Variants in TBC1D32 observed in about 807,000 individuals in gnomAD.
TBC1D32 encodes the protein TBC1 domain family member 32.
A neutral mutation model predicts 170.3 loss-of-function variants in TBC1D32; 151 were observed. The observed-to-expected ratio is 0.89, with a 90% confidence interval of 0.78 to 1.01. TBC1D32 has a LOEUF of 1.01. TBC1D32 is among the 50% of genes least tolerant of loss of function. The pLI, the probability that TBC1D32 is intolerant of heterozygous loss-of-function variation, is 0.00. For missense variants in TBC1D32, 1,464 were observed against 1,457.1 expected, an observed-to-expected ratio of 1.00 and a Z score of -0.08; for synonymous variants, 498 against 488.0, an observed-to-expected ratio of 1.02 and a Z score of -0.27.
At chr6:121,120,757 T>G (rs1354095021) in intron 26 of TBC1D32, among the ~76,000 whole-genome samples, 1 of 152,010 alleles carries the variant, frequency 6.6e-6, no homozygotes, top group Non-Finnish European at 1.5e-5. Flanking sequence ...GTATATCAAG[T>G]GCCTCAACAT....
chr6:121,161,181 C>A, intron 22 of TBC1D32, 125 bp from the exon 23 acceptor site: 1 of 725,236 alleles, frequency 1.4e-6, no homozygotes. Flanking sequence ...TTTTTCTTTA[C>A]TGCATTTAGC....
chr6:121,192,894 C>T (rs1421685762), intron 22 of TBC1D32, among the ~76,000 whole-genome samples: 3 of 152,134 alleles, frequency 2.0e-5, no homozygotes, highest in Non-Finnish European at 2.9e-5. Context: ...TGATGGCCTC[C>T]CCTGAGACAG....
chr6:121,148,914 A>G (rs2128232601), intron 24 of TBC1D32, among the ~76,000 whole-genome samples: 1 of 152,304 alleles, frequency 6.6e-6, no homozygotes, highest in Middle Eastern at 3.4e-3. Context: ...CCTCTCCAGC[A>G]TCCATTGTTA....
At chr6:121,143,454 A>G (rs1582946730) in intron 24 of TBC1D32, among the ~76,000 whole-genome samples, 2 of 152,290 alleles carry the variant, frequency 1.3e-5, no homozygotes, top group South Asian at 2.1e-4. Flanking sequence ...ACAAGAGGCA[A>G]TCTAACAGAT....
chr6:121,126,359 C>T lies in TBC1D32; in HGVS notation c.2983+19G>A, dbSNP rs368304410. On this transcript the variant is annotated intron_variant, in intron 26 of 31. Transcript: ENST00000398212. The stretch of plus-strand genomic sequence containing the variant: ...TACATACTGAGTCTTTTTCAAACTT[C>T]ACAATGTTTAAAATGTACCTGTATA... 5.4e-5 allele frequency: 85 copies of T among 1,579,598 alleles called. No homozygotes were observed. Among genetic ancestry groups the T allele is most frequent in the Middle Eastern group, 3.4e-4 (2 of 5,888 alleles).
chr6:121,121,314 G>T (rs1780239979), intron 26 of TBC1D32, among the ~76,000 whole-genome samples: 1 of 151,928 alleles, frequency 6.6e-6, no homozygotes, highest in Non-Finnish European at 1.5e-5. Context: ...AATTTAGTGA[G>T]GCAAATGCGC....
chr6:121,160,043 ACAGATAG>A lies in TBC1D32; in HGVS notation c.2733_2739del (p.Tyr912GlnfsTer9). 1 of 1,608,746 alleles carries A rather than the reference ACAGATAG, an allele frequency of 6.2e-7. No homozygotes were observed. Among genetic ancestry groups the A allele is most frequent in the Middle Eastern group, 1.7e-4 (1 of 6,038 alleles). On this transcript the variant is annotated frameshift_variant, in exon 24 of 32. Coordinates refer to ENST00000398212, the MANE Select transcript of TBC1D32 (RefSeq NM_152730.6). LOFTEE classifies it high-confidence loss of function. ...ATACCAGCATTTCTTGTAATGTCTG[ACAGATAG>A]CAGTTTGGCAATGGATATGATGAAA...
intron 24 of TBC1D32, among the ~76,000 whole-genome samples, chr6:121,152,399 T>C (rs1400571834): frequency 6.6e-6 from 1 of 152,202 alleles, no homozygotes; most frequent in Non-Finnish European, 1.5e-5. Context: ...TCTTTGTGGG[T>C]AACCTGACCT....
At chr6:121,101,825 A>G (rs1332348082) in intron 30 of TBC1D32, among the ~76,000 whole-genome samples, 1 of 152,172 alleles carries the variant, frequency 6.6e-6, no homozygotes, top group Non-Finnish European at 1.5e-5. Flanking sequence ...ACATGATTGT[A>G]TATTTAGAAA....
At chr6:121,230,531 C>T (rs1795605497) in intron 20 of TBC1D32, among the ~76,000 whole-genome samples, 1 of 151,952 alleles carries the variant, frequency 6.6e-6, no homozygotes, top group South Asian at 2.1e-4. Context: ...GATGTTAAGC[C>T]ACCTGTAATT....
intron 24 of TBC1D32, among the ~76,000 whole-genome samples, chr6:121,154,636 G>C (rs1383841201): frequency 6.6e-6 from 1 of 152,016 alleles, no homozygotes; most frequent in African/African-American, 2.4e-5. Context: ...ATAGGCTTTG[G>C]CAAAAAACTT....
At chr6:121,182,158 A>G (rs1278486737) in intron 22 of TBC1D32, among the ~76,000 whole-genome samples, 4 of 152,080 alleles carry the variant, frequency 2.6e-5, no homozygotes, top group Non-Finnish European at 4.4e-5. Context: ...AATTGTTACC[A>G]TTAGAGGGAA....
chr6:121,311,905 G>A (rs1808271639), intron 3 of TBC1D32, among the ~76,000 whole-genome samples: 3 of 152,040 alleles, frequency 2.0e-5, no homozygotes, highest in Admixed American at 6.6e-5. Context: ...CCATGCACAC[G>A]TATGTTTATT....
Position 121,292,123 on chromosome 6 carries a change from G to A in TBC1D32, c.1302C>T (p.Cys434=). ...LQYIYFIHSL[C]LLGRLLIYKQ... The stretch of plus-strand genomic sequence containing the variant: ...TATAGATCAATAATCTTCCTAAAAG[G>A]CACAGTGAGTGAATGAAATAAATAT... The change falls in exon 12 of 32, where the codon TGC becomes TGT. Residue 434 remains cysteine, a synonymous_variant. Coordinates refer to ENST00000398212, the MANE Select transcript of TBC1D32 (RefSeq NM_152730.6). The A allele has an allele frequency of 2.5e-6, 4 of 1,603,754 alleles. No individual in the cohort carries two copies. The highest frequency in any genetic ancestry group is 1.1e-5 in the South Asian group (1 of 88,428).
At chr6:121,190,833 A>C (rs866744716) in intron 22 of TBC1D32, among the ~76,000 whole-genome samples, 1 of 152,134 alleles carries the variant, frequency 6.6e-6, no homozygotes, top group Non-Finnish European at 1.5e-5. Flanking sequence ...TATCATTTCC[A>C]CTTGAAAGAA....
intron 24 of TBC1D32, among the ~76,000 whole-genome samples, chr6:121,146,045 G>A (rs1372434930): frequency 6.6e-6 from 1 of 152,174 alleles, no homozygotes; most frequent in Non-Finnish European, 1.5e-5. Flanking sequence ...GATCAAAAGT[G>A]AGGCAATGCT....
intron 22 of TBC1D32, among the ~76,000 whole-genome samples, chr6:121,169,347 G>T (rs2128251497): frequency 6.6e-6 from 1 of 152,198 alleles, no homozygotes; most frequent in South Asian, 2.1e-4. Flanking sequence ...AAATAGTGCT[G>T]GGAGAACTGG....
chr6:121,234,323 T>C (rs80165696), intron 20 of TBC1D32, among the ~76,000 whole-genome samples: 3,673 of 152,220 alleles, frequency 0.024, 166 homozygotes, highest in East Asian at 0.12. Context: ...AACTTTCAAA[T>C]TTCTCTTCTT....
chr6:121,127,617 C>T (rs1327904694), intron 25 of TBC1D32, among the ~76,000 whole-genome samples: 1 of 152,028 alleles, frequency 6.6e-6, no homozygotes, highest in Admixed American at 6.6e-5. Flanking sequence ...AATTAAATAG[C>T]CCTCAGGTGA....
Sources: gnomAD v4.1 joint callset for allele counts (sites outside exome capture counted in the v4.1 genomes callset) on GRCh38, gnomAD v4.1.1 for gene constraint, MANE v1.5 for transcripts, NCBI Gene and HGNC (gene_info 2026-07-23, HGNC 2026-07-21) for gene names.